LRR1: variants seen among roughly 807,000 people sequenced by gnomAD.
The protein encoded by LRR1 is leucine rich repeat protein 1.
LRR1 carries 29 observed loss-of-function variants against 31.6 expected under a neutral mutation model. The observed-to-expected ratio is 0.92, with a 90% CI of 0.68 to 1.25. LRR1 has a LOEUF of 1.25. Among genes scored for constraint, LRR1 ranks in the 50% most tolerant of loss-of-function variants. The pLI, the probability that LRR1 is intolerant of heterozygous loss-of-function variation, is 0.00. For missense variants in LRR1, 485 were observed against 487.2 expected (o/e 1.00, Z 0.04); for synonymous variants, 179 against 181.4 (o/e 0.99, Z 0.10).
In LRR1 at chr14:49,602,371, T is replaced by C. The variant is rs904911038; in HGVS notation, c.185T>C (p.Leu62Pro). The C allele has an allele frequency of 5.6e-6, 9 of 1,612,558 alleles. No homozygotes were observed. Among genetic ancestry groups the C allele is most frequent in the Admixed American group, 3.3e-5 (2 of 59,950 alleles). Residue 62 changes from leucine (L) to proline (P), a missense_variant and splice_region_variant, in exon 2 of 4, where the codon CTA becomes CCA. Leu to Pro is a moderately conservative substitution (Grantham distance 98). This residue lies in a region of LRR1 where 260 missense variants were observed against 249.6 expected (regional missense o/e 1.04). Transcript: ENST00000298288. ...LKDKRGTRYELRENIEQFFTK... is the reference protein window; with the variant it reads ...LKDKRGTRYEPRENIEQFFTK... ...TTTTTTTCTATTGGTTTTATGCAGC[T>C]AAGGGAGAACATTGAGCAATTCTTC...
chr14:49,600,447 G>A, intron 1 of LRR1: 1 of 1,596,416 alleles, frequency 6.3e-7, no homozygotes, highest in Admixed American at 1.7e-5. Context: ...ACAGAAACTA[G>A]CAAAAGAGAT....
intron 3 of LRR1, among the ~76,000 whole-genome samples, chr14:49,613,710 G>C (rs1324423477): frequency 2.0e-5 from 3 of 152,086 alleles, no homozygotes; most frequent in South Asian, 2.1e-4. Flanking sequence ...CAGCTACTTG[G>C]GAGGCTGAGG....
At chr14:49,602,140 CTTTTTTTTT>C (rs71115383) in intron 1 of LRR1, among the ~76,000 whole-genome samples, 2 of 60,294 alleles carry the variant, frequency 3.3e-5, no homozygotes, top group East Asian at 3.8e-4. Flanking sequence ...AAAAAAACAA[CTTTTTTTTT>C]TTTTTTTTTT....
At chr14:49,612,580 A>T in intron 3 of LRR1, 8 of 1,171,936 alleles carry the variant, frequency 6.8e-6, no homozygotes, top group Non-Finnish European at 8.6e-6. Context: ...TTTTATGAAA[A>T]ATTTAAAAAT....
Position 49,600,443 on chromosome 14 carries a change from A to G in LRR1, c.183+1240A>G, listed in dbSNP as rs1224753566. 1.9e-6 allele frequency: 3 copies of G among 1,599,024 alleles called. No homozygotes were observed. In the Admixed American group the frequency reaches 5.0e-5, roughly 27 times the overall value. ...CTATATGTGTGGAACAAGGACAGAA[A>G]CTAGCAAAAGAGATAGGAGCATGCT... On this transcript the variant is annotated intron_variant, in intron 1 of 3. Transcript: ENST00000298288.
Position 49,604,254 on chromosome 14 carries a change from A to G in LRR1, c.282+1786A>G, listed in dbSNP as rs185597776. On this transcript the variant is annotated intron_variant, in intron 2 of 3. Transcript: ENST00000298288. ...TGGGAGGTGCAGGTTACAATGAGCC[A>G]AGATTGCACCACTGCACTCCAACCT... Among the ~76,000 whole-genome samples the G allele has an allele frequency of 9.7e-3, 1,482 of 152,112 alleles. 23 individuals are homozygous for G. The highest frequency in any genetic ancestry group is 0.034 in the African/African-American group (1,414 of 41,502).
At chr14:49,606,679 T>C (rs1457521894) in intron 2 of LRR1, among the ~76,000 whole-genome samples, 2 of 141,964 alleles carry the variant, frequency 1.4e-5, no homozygotes, top group African/African-American at 2.7e-5. Flanking sequence ...ATTTTTCAGA[T>C]AGAGTCTTGC....
chr14:49,603,391 G>C (rs946133184), intron 2 of LRR1, among the ~76,000 whole-genome samples: 1 of 152,030 alleles, frequency 6.6e-6, no homozygotes, highest in Admixed American at 6.6e-5. Context: ...ACTCTATAAG[G>C]CAACTGCACA....
At chr14:49,611,317 ATACAAAAAT>A (rs1479228011) in intron 3 of LRR1, among the ~76,000 whole-genome samples, 1 of 152,084 alleles carries the variant, frequency 6.6e-6, no homozygotes, top group African/African-American at 2.4e-5. Flanking sequence ...TCTACTAAAA[ATACAAAAAT>A]TAGCCGGGCA....
chr14:49,609,742 G>C (rs543555965), intron 3 of LRR1, among the ~76,000 whole-genome samples: 1 of 151,336 alleles, frequency 6.6e-6, no homozygotes. Flanking sequence ...GTCTTGTTCT[G>C]TCGCCCAGGT....
intron 3 of LRR1, among the ~76,000 whole-genome samples, chr14:49,610,004 G>A (rs1376803828): frequency 6.6e-6 from 1 of 152,116 alleles, no homozygotes; most frequent in East Asian, 1.9e-4. Context: ...CTCTCAAAGT[G>A]CTGGGATTAC....
rs761808522 is a variant in LRR1, at chr14:49,607,958, C to T, written c.841C>T (p.Arg281Ter). 3.1e-6 allele frequency: 5 copies of T among 1,614,040 alleles called. No individual in the cohort carries two copies. The highest frequency in any genetic ancestry group is 2.2e-5 in the East Asian group (1 of 44,886). ...AAACCTTCGCTTTTTGTCAGCAGCT[C>T]GAAATAAGCTTCCATTTTTGCCTAG... ...LINLRFLSAA[R>*]NKLPFLPSEF... Residue 281 changes from arginine to a stop codon, truncating the protein, a stop_gained, in exon 3 of 4, where the codon CGA (arginine) becomes TGA (stop). Coordinates refer to ENST00000298288, the MANE Select transcript of LRR1 (RefSeq NM_152329.4). LOFTEE classifies it high-confidence loss of function.
chr14:49,612,047 A>G (rs569140811), intron 3 of LRR1, among the ~76,000 whole-genome samples: 135 of 152,384 alleles, frequency 8.9e-4, no homozygotes, highest in East Asian at 1.5e-3. Context: ...TGGCTAAATG[A>G]TCAGGTGAAA....
At chr14:49,603,350 A>G (rs936254703) in intron 2 of LRR1, among the ~76,000 whole-genome samples, 3 of 152,168 alleles carry the variant, frequency 2.0e-5, no homozygotes, top group African/African-American at 7.2e-5. Context: ...TCTGTGCTCA[A>G]GATGGAGCCC....
At chr14:49,603,875 G>A (rs1295875565) in intron 2 of LRR1, among the ~76,000 whole-genome samples, 1 of 151,166 alleles carries the variant, frequency 6.6e-6, no homozygotes, top group African/African-American at 2.4e-5. Flanking sequence ...TGTATCTTTA[G>A]TAGAGACGGG....
intron 3 of LRR1, among the ~76,000 whole-genome samples, chr14:49,610,755 G>C (rs1451942403): frequency 6.6e-6 from 1 of 151,158 alleles, no homozygotes; most frequent in East Asian, 1.9e-4. Flanking sequence ...GTAGAGACAG[G>C]GTTTCACTAT....
intron 2 of LRR1, among the ~76,000 whole-genome samples, chr14:49,602,726 T>C (rs1455398381): frequency 1.3e-5 from 2 of 152,174 alleles, no homozygotes; most frequent in East Asian, 3.9e-4. Context: ...CTTGAACTCC[T>C]GGCCTCAAGC....
At chr14:49,609,062 C>T (rs554892914) in intron 3 of LRR1, among the ~76,000 whole-genome samples, 182 of 150,972 alleles carry the variant, frequency 1.2e-3, no homozygotes, top group Middle Eastern at 3.4e-3. Flanking sequence ...TACAGGCGCC[C>T]GCCAACACGC....
At position 49,601,624 on chromosome 14, in the gene LRR1, C is replaced by A. The variant is rs555279159; in HGVS notation, c.184-746C>A. ...AACCTACTGGGAGGTGTGCCCACCC[C>A]AGGCTAATGGACTGAAGTTATGAAG... On this transcript the variant is annotated intron_variant, in intron 1 of 3. Transcript: ENST00000298288. 5.4e-6 allele frequency: 7 copies of A among 1,289,646 alleles called. No individual in the cohort carries two copies. The South Asian group carries it at 7.4e-5, about 14-fold the overall frequency. 79.9% of individuals were successfully genotyped at this position (1,289,646 alleles called of 1,614,324 possible).
Sources: gnomAD v4.1 joint callset for allele counts (sites outside exome capture counted in the v4.1 genomes callset) on GRCh38, gnomAD v4.1.1 for gene constraint, gnomAD v4.1.1 regional missense constraint, MANE v1.5 for transcripts, NCBI Gene and HGNC (gene_info 2026-07-23, HGNC 2026-07-21) for gene names.